The following EME1 variants were observed in gnomAD, a reference collection of about 807,000 sequenced individuals.
EME1 encodes the protein structure-specific endonuclease subunit EME1.
In EME1, 61 loss-of-function variants were observed where a neutral mutation model predicts 59.1. The observed-to-expected ratio is 1.03, with a 90% confidence interval of 0.84 to 1.28. The LOEUF (loss-of-function observed/expected upper bound fraction) is 1.28, where lower values mean the gene tolerates loss of function less well. Ranked by LOEUF, EME1 falls within the 50% of genes most tolerant of loss-of-function variation. The pLI, the probability that EME1 is intolerant of heterozygous loss-of-function variation, is 0.00. For synonymous variants in EME1, 230 were observed against 254.2 expected, an observed-to-expected ratio of 0.90 and a Z score of 0.90; for missense variants, 635 against 682.6, an observed-to-expected ratio of 0.93 and a Z score of 0.78.
At position 50,380,881 on chromosome 17, in the gene EME1, G is replaced by A. The variant is rs140304684; in HGVS notation, c.1655G>A (p.Arg552His). 27 of 1,614,052 alleles carry A rather than the reference G, an allele frequency of 1.7e-5. No individual in the cohort carries two copies. The highest frequency in any genetic ancestry group is 6.7e-5 in the African/African-American group (5 of 74,908). Reference protein sequence around the residue: ...SRRIGPELSRRIYLQMTTLQP... With the variant: ...SRRIGPELSRHIYLQMTTLQP... ...CGCATTGGACCAGAACTATCCAGGCGTATCTACCTTCAGATGACCACTTTA... is the reference window on the plus strand; with the variant it reads ...CGCATTGGACCAGAACTATCCAGGCATATCTACCTTCAGATGACCACTTTA... The change falls in exon 9 of 9, where the codon CGT becomes CAT. Residue 552 changes from arginine to histidine, a missense_variant. Transcript: ENST00000338165.
rs773296366 is a variant in EME1 at position 50,375,751 on chromosome 17, C to A, written c.543C>A (p.Ser181Arg). ...TGTCTACCTGCCCTGGCCAGAGCAGCAGCTTGGCAGTAACCAAAACAAATT... is the reference window on the plus strand; with the variant it reads ...TGTCTACCTGCCCTGGCCAGAGCAGAAGCTTGGCAGTAACCAAAACAAATT... The part of the protein sequence containing the change: ...AYLSTCPGQS[S>R]SLAVTKTNSD... Residue 181 changes from serine to arginine, a missense_variant, in exon 2 of 9, where the codon AGC (serine) becomes AGA (arginine). Physicochemically the swap from Ser to Arg is moderately radical, Grantham distance 110 (BLOSUM62 -1). Coordinates refer to ENST00000338165, the MANE Select transcript of EME1 (RefSeq NM_152463.4). 1.6e-5 allele frequency: 26 copies of A among 1,614,046 alleles called. No individual in the cohort carries two copies. Among genetic ancestry groups the A allele is most frequent in the Non-Finnish European group, 1.2e-5 (14 of 1,180,042 alleles).
rs1470044433 is a variant in EME1 at position 50,378,679 on chromosome 17, C to T, written c.988C>T (p.Gln330Ter). Residue 330 changes from glutamine to a stop codon, truncating the protein, a stop_gained and splice_region_variant, in exon 4 of 9, where the codon CAG becomes TAG. Transcript: ENST00000338165. LOFTEE classifies it high-confidence loss of function. ...TGTGTCCATGATCGACAATGGAAAG[C>T]AGGTGGGCAGAGCCAGAGGGTGGGA... Reference protein sequence around the residue: ...AFVSMIDNGKQGSLDSTMKGK... With the variant: ...AFVSMIDNGK The T allele has an allele frequency of 1.2e-6, 2 of 1,614,110 alleles. No individual in the cohort carries two copies. The highest frequency in any genetic ancestry group is 1.7e-6 in the Non-Finnish European group (2 of 1,180,008).
rs902691661 is a variant in EME1 at position 50,374,979 on chromosome 17, G to T, written c.-24-206G>T. 15 of 453,222 alleles carry T rather than the reference G, an allele frequency of 3.3e-5. No individual in the cohort carries two copies. The Admixed American group carries it at 5.2e-4, about 16-fold the overall frequency. 28.1% of individuals were successfully genotyped at this position (453,222 alleles called of 1,614,324 possible). ...GTAACTCTACTTTGTTTATACTTCA[G>T]CTTGACCTGGAAAGAATTTGAGGAG... On this transcript the variant is annotated intron_variant, in intron 1 of 8. Transcript: ENST00000338165.
intron 3 of EME1, among the ~76,000 whole-genome samples, chr17:50,377,623 C>T (rs1913544200): frequency 1.3e-5 from 2 of 152,208 alleles, no homozygotes; most frequent in Admixed American, 1.3e-4. Flanking sequence ...TTTGTAAGGA[C>T]CACTCGGCTC....
intron 3 of EME1, among the ~76,000 whole-genome samples, chr17:50,376,551 A>G (rs1021993163): frequency 1.3e-5 from 2 of 152,212 alleles, no homozygotes; most frequent in African/African-American, 4.8e-5. Context: ...TACCCCTCTC[A>G]GTCATGACAA....
At chr17:50,380,642 T>C (rs926153425) in intron 8 of EME1, 121 bp from the exon 9 acceptor site, 4 of 1,535,450 alleles carry the variant, frequency 2.6e-6, no homozygotes, top group Non-Finnish European at 3.6e-6. Flanking sequence ...GTGTTGCTAA[T>C]GCTGACCCAG....
intron 6 of EME1, 41 bp downstream of exon 6, chr17:50,379,265 T>C (rs1485864011): frequency 6.2e-7 from 1 of 1,612,560 alleles, no homozygotes; most frequent in South Asian, 1.1e-5. Flanking sequence ...GGGTACTCAC[T>C]GGTCACCTGA....
chr17:50,380,956 T>A lies in EME1; in HGVS notation c.*17T>A. 6.2e-7 allele frequency: 1 copy of A among 1,611,980 alleles called. No homozygotes were observed. The highest frequency in any genetic ancestry group is 8.5e-7 in the Non-Finnish European group (1 of 1,178,272). On this transcript the variant is annotated 3_prime_UTR_variant, in exon 9 of 9. Coordinates refer to ENST00000338165, the MANE Select transcript of EME1 (RefSeq NM_152463.4). ...GCTGACTGATTCTAGCCCTCAGGGA[T>A]GAGGATGAAAAGCTGGAAACTTCCA...
Position 50,380,466 on chromosome 17 carries a change from G to C in EME1, c.1501G>C (p.Val501Leu). ...CAGCCTGGAAATGGCCAGTGCAGTT[G>C]TGAATGCCTATCCCTCCCCACAGCT... ...RVSLEMASAVVNAYPSPQLLV... is the reference protein window; with the variant it reads ...RVSLEMASAVLNAYPSPQLLV... Residue 501 changes from valine (V) to leucine (L), a missense_variant, in exon 8 of 9, where the codon GTG becomes CTG. By Grantham distance (32) the Val-to-Leu change is conservative. Coordinates refer to ENST00000338165, the MANE Select transcript of EME1 (RefSeq NM_152463.4). 6.2e-7 allele frequency: 1 copy of C among 1,614,114 alleles called. No homozygotes were observed. Among genetic ancestry groups the C allele is most frequent in the Non-Finnish European group, 8.5e-7 (1 of 1,180,034 alleles).
In EME1 at chr17:50,380,979, C is replaced by G; in HGVS notation, c.*40C>G. On this transcript the variant is annotated 3_prime_UTR_variant, in exon 9 of 9. Coordinates refer to ENST00000338165, the MANE Select transcript of EME1 (RefSeq NM_152463.4). Reference sequence around the variant, plus strand: ...GATGAGGATGAAAAGCTGGAAACTTCCACTTCCCCAACCTCAGAGCCTGAC... The same window carrying G: ...GATGAGGATGAAAAGCTGGAAACTTGCACTTCCCCAACCTCAGAGCCTGAC... 1 of 1,607,434 alleles carries G rather than the reference C, an allele frequency of 6.2e-7. No homozygotes were observed. The highest frequency in any genetic ancestry group is 8.5e-7 in the Non-Finnish European group (1 of 1,175,122).
At chr17:50,373,302 G>A (rs941509972) in intron 1 of EME1, 25 bp downstream of exon 1, 5 of 1,279,382 alleles carry the variant, frequency 3.9e-6, no homozygotes, top group Non-Finnish European at 5.5e-6. Flanking sequence ...TCGCAGGCCT[G>A]CGGATTGGGC....
Position 50,378,896 on chromosome 17 carries a change from G to A in EME1, c.1112+1G>A. ...TTGTGGATCAGGAGAAATGCTTCAG[G>A]TTTGGATTTGCCCTGGTGATTTCAT... On this transcript the variant is annotated splice_donor_variant, in intron 5 of 8. Coordinates refer to ENST00000338165, the MANE Select transcript of EME1 (RefSeq NM_152463.4). LOFTEE classifies it high-confidence loss of function. 1 of 1,614,224 alleles carries A rather than the reference G, an allele frequency of 6.2e-7. No homozygotes were observed. The highest frequency in any genetic ancestry group is 8.5e-7 in the Non-Finnish European group (1 of 1,180,048).
intron 3 of EME1, among the ~76,000 whole-genome samples, chr17:50,378,356 G>A (rs1913581716): frequency 6.6e-6 from 1 of 152,138 alleles, no homozygotes; most frequent in South Asian, 2.1e-4. Context: ...GAGTCACCGC[G>A]CCCGGCTGCT....
chr17:50,378,847 C>T lies in EME1; in HGVS notation c.1064C>T (p.Ala355Val), dbSNP rs1292814969. The change falls in exon 5 of 9, where the codon GCA becomes GTA. Residue 355 changes from alanine to valine, a missense_variant. Transcript: ENST00000338165. ...GFVTDITAKT[A>V]GKALSLVIVD... ...GTAACTGACATCACAGCAAAGACAG[C>T]AGGGAAAGCTCTGTCACTGGTGATT... is the stretch of plus-strand genomic sequence containing the variant. The T allele has an allele frequency of 6.2e-7, 1 of 1,614,078 alleles. No homozygotes were observed. The highest frequency in any genetic ancestry group is 1.3e-5 in the African/African-American group (1 of 74,918).
rs1246896439 is a variant in EME1, at chr17:50,375,566, A to C, written c.358A>C (p.Lys120Gln). The change falls in exon 2 of 9, where the codon AAA (lysine) becomes CAA (glutamine). Residue 120 changes from lysine to glutamine, a missense_variant. Coordinates refer to ENST00000338165, the MANE Select transcript of EME1 (RefSeq NM_152463.4). Reference sequence around the variant, plus strand: ...CCCTGAGGACTCTAGCTCCCCAGTTAAAAGTGTTTTGGATCATCAAAATAA... The same window carrying C: ...CCCTGAGGACTCTAGCTCCCCAGTTCAAAGTGTTTTGGATCATCAAAATAA... ...LSPEDSSSPV[K>Q]SVLDHQNNEG... 6.2e-7 allele frequency: 1 copy of C among 1,613,990 alleles called. No individual in the cohort carries two copies. The highest frequency in any genetic ancestry group is 2.2e-5 in the East Asian group (1 of 44,900).
At chr17:50,377,764 T>G (rs1414817954) in intron 3 of EME1, among the ~76,000 whole-genome samples, 1 of 152,008 alleles carries the variant, frequency 6.6e-6, no homozygotes, top group African/African-American at 2.4e-5. Context: ...TTCTCTCTTT[T>G]TTTTTTTTTG....
intron 3 of EME1, among the ~76,000 whole-genome samples, chr17:50,376,567 A>C (rs1158287681): frequency 6.6e-6 from 1 of 152,212 alleles, no homozygotes; most frequent in Non-Finnish European, 1.5e-5. Flanking sequence ...GACAATAAAA[A>C]ATGTCTGCAG....
Position 50,378,559 on chromosome 17 carries a change from C to T in EME1, c.904-36C>T, listed in dbSNP as rs766985088. ...TCACAGGTGCTCAATACCTGCTGAC[C>T]TCCCTCCCTGTGCTGTGTTCTGGGT... On this transcript the variant is annotated intron_variant, in intron 3 of 8. Coordinates refer to ENST00000338165, the MANE Select transcript of EME1 (RefSeq NM_152463.4). The T allele has an allele frequency of 1.4e-5, 22 of 1,609,122 alleles. No individual in the cohort carries two copies. The East Asian group carries it at 4.7e-4, about 34-fold the overall frequency.
intron 8 of EME1, 119 bp from the exon 9 acceptor site, chr17:50,380,644 C>A: frequency 6.5e-7 from 1 of 1,538,570 alleles, no homozygotes; most frequent in Admixed American, 1.7e-5. Flanking sequence ...GTTGCTAATG[C>A]TGACCCAGGG....
Sources: gnomAD v4.1 joint callset for allele counts (sites outside exome capture counted in the v4.1 genomes callset) on GRCh38, gnomAD v4.1.1 for gene constraint, MANE v1.5 for transcripts, NCBI Gene and HGNC (gene_info 2026-07-23, HGNC 2026-07-21) for gene names.